The following UBE2E1 variants were observed in gnomAD, a reference collection of about 807,000 sequenced individuals.
UBE2E1 encodes ubiquitin-conjugating enzyme E2 E1.
Under a neutral mutation model 21.4 loss-of-function variants are expected in UBE2E1, and 6 were observed. The observed-to-expected ratio is 0.28, with a 90% CI of 0.15 to 0.55. The LOEUF (loss-of-function observed/expected upper bound fraction) is 0.55. UBE2E1 is among the 20% of genes least tolerant of loss of function. UBE2E1 has a pLI of 0.93. For synonymous variants in UBE2E1, 87 were observed against 82.7 expected (o/e 1.05, Z -0.28); for missense variants, 142 against 236.5 (o/e 0.60, Z 2.62).
chr3:23,830,610 A>G (rs1439720572), intron 3 of UBE2E1, among the ~76,000 whole-genome samples: 2 of 152,104 alleles, frequency 1.3e-5, no homozygotes, highest in East Asian at 3.9e-4. Flanking sequence ...TGATGCTTGG[A>G]GCTGTGGAGA....
In UBE2E1 at chr3:23,811,457, C is replaced by T. The variant is rs1204005345; in HGVS notation, c.153-3C>T. ...TTTGTCTTTCCCATTTCTCCCACTC[C>T]AGAATTCAGAAGGAGCTGGCGGACA... On this transcript the variant is annotated splice_region_variant and splice_polypyrimidine_tract_variant and intron_variant, in intron 2 of 5. Coordinates refer to ENST00000306627, the MANE Select transcript of UBE2E1 (RefSeq NM_003341.5). 6.8e-6 allele frequency: 11 copies of T among 1,614,064 alleles called. No individual in the cohort carries two copies. Among genetic ancestry groups the T allele is most frequent in the African/African-American group, 1.3e-5 (1 of 74,922 alleles).
At chr3:23,829,055 G>A (rs1575813088) in intron 3 of UBE2E1, among the ~76,000 whole-genome samples, 1 of 151,502 alleles carries the variant, frequency 6.6e-6, no homozygotes, top group East Asian at 1.9e-4. Context: ...TGCAGAAGGG[G>A]CAGTTTCTCC....
At chr3:23,831,868 G>T (rs1237161686) in intron 3 of UBE2E1, among the ~76,000 whole-genome samples, 2 of 151,910 alleles carry the variant, frequency 1.3e-5, no homozygotes, top group African/African-American at 2.4e-5. Flanking sequence ...GATAATTTTT[G>T]TATTTTTTGT....
chr3:23,813,879 T>A (rs1699455851), intron 3 of UBE2E1, among the ~76,000 whole-genome samples: 1 of 152,220 alleles, frequency 6.6e-6, no homozygotes, highest in Non-Finnish European at 1.5e-5. Flanking sequence ...AATGAAAATC[T>A]ATGAATTAAG....
rs55941535 is a variant in UBE2E1 at position 23,842,198 on chromosome 3, G to GGTGTGT, written c.203+30734_203+30739dup. ...TATGTCATGACCCAGTAAGTGAAGG[G>GGTGTGT]GTGTGTGTGTGTGTGTGTGTGTGTG... is the stretch of plus-strand genomic sequence containing the variant. On this transcript the variant is annotated intron_variant, in intron 3 of 5. Transcript: ENST00000306627. The surrounding 1 kb of genome is among the most constrained non-coding windows in gnomAD (Gnocchi z 4.6). Among the ~76,000 whole-genome samples the GGTGTGT allele has an allele frequency of 8.1e-3, 845 of 104,246 alleles. 13 individuals are homozygous for GGTGTGT. The highest frequency in any genetic ancestry group is 0.016 in the African/African-American group (450 of 27,646). The allele number at this position is 104,246 out of a possible 152,430, so 68.4% of individuals were successfully genotyped here.
chr3:23,830,837 C>T (rs1699852532), intron 3 of UBE2E1, among the ~76,000 whole-genome samples: 1 of 152,190 alleles, frequency 6.6e-6, no homozygotes, highest in African/African-American at 2.4e-5. Context: ...GTGGTGATAG[C>T]TAACTTCTGT....
intron 3 of UBE2E1, among the ~76,000 whole-genome samples, chr3:23,834,434 A>G (rs1227841266): frequency 6.6e-6 from 1 of 152,190 alleles, no homozygotes; most frequent in African/African-American, 2.4e-5. Flanking sequence ...CATCTTTCTC[A>G]CATAACCTCT....
chr3:23,883,131 A>G (rs1701094353), intron 3 of UBE2E1, among the ~76,000 whole-genome samples: 1 of 152,076 alleles, frequency 6.6e-6, no homozygotes, highest in South Asian at 2.1e-4. Flanking sequence ...TCCTTTTCCC[A>G]ATTCAGGATT....
chr3:23,878,033 T>C (rs1005935834), intron 3 of UBE2E1, among the ~76,000 whole-genome samples: 2 of 152,112 alleles, frequency 1.3e-5, no homozygotes, highest in Non-Finnish European at 1.5e-5. Context: ...TGTCTCTTTT[T>C]CCCCCCTACT....
chr3:23,823,716 A>G lies in UBE2E1; in HGVS notation c.203+12206A>G, dbSNP rs114264672. Among the ~76,000 whole-genome samples, 6 of 152,254 alleles carry G rather than the reference A, an allele frequency of 3.9e-5. No homozygotes were observed. Among genetic ancestry groups the G allele is most frequent in the African/African-American group, 1.4e-4 (6 of 41,476 alleles). ...GGAGGATTTTTTATAAACATGAAAG[A>G]TAACTTTCCTCTAACCTAAGTAAAT... On this transcript the variant is annotated intron_variant, in intron 3 of 5. Coordinates refer to ENST00000306627, the MANE Select transcript of UBE2E1 (RefSeq NM_003341.5). This position sits in a 1 kb window ranked among gnomAD's most constrained non-coding sequence, Gnocchi z 4.2.
intron 3 of UBE2E1, among the ~76,000 whole-genome samples, chr3:23,846,277 A>G (rs984720869): frequency 6.6e-6 from 1 of 152,208 alleles, no homozygotes; most frequent in Non-Finnish European, 1.5e-5. Context: ...AGAGTGGGTA[A>G]TAGAGCTGGG....
chr3:23,886,288 T>C (rs993806697), intron 3 of UBE2E1, among the ~76,000 whole-genome samples: 4 of 152,234 alleles, frequency 2.6e-5, no homozygotes, highest in African/African-American at 9.6e-5. Context: ...ATAATGGTGA[T>C]CACTGCCGTT....
At chr3:23,862,707 TTCCTTTCCGTCTTATCTTTC>T (rs1237578488) in intron 3 of UBE2E1, among the ~76,000 whole-genome samples, 1 of 152,160 alleles carries the variant, frequency 6.6e-6, no homozygotes. Context: ...TACTATCTTT[TTCCTTTCCGTCTTATCTTTC>T]TTATTATTTA....
chr3:23,848,711 T>C (rs1700261517), intron 3 of UBE2E1, among the ~76,000 whole-genome samples: 1 of 152,116 alleles, frequency 6.6e-6, no homozygotes, highest in South Asian at 2.1e-4. Context: ...GAAAACTTCA[T>C]AGAAGAATAT....
intron 3 of UBE2E1, among the ~76,000 whole-genome samples, chr3:23,854,354 A>T (rs1700391108): frequency 6.6e-6 from 1 of 151,818 alleles, no homozygotes; most frequent in Non-Finnish European, 1.5e-5. Context: ...TTTGGGAGGG[A>T]TGTTTTTAAA....
At chr3:23,838,228 T>A (rs1053730228) in intron 3 of UBE2E1, among the ~76,000 whole-genome samples, 1 of 151,952 alleles carries the variant, frequency 6.6e-6, no homozygotes, top group Non-Finnish European at 1.5e-5. Context: ...CCACCACACC[T>A]GGTTAATTTT....
At chr3:23,845,581 C>CTG (rs1343231599) in intron 3 of UBE2E1, among the ~76,000 whole-genome samples, 225 of 48,484 alleles carry the variant, frequency 4.6e-3, no homozygotes, top group African/African-American at 0.015. Flanking sequence ...CTCTCTCTCT[C>CTG]TCTCTCTCTG....
chr3:23,888,116 G>A (rs1701232321), intron 4 of UBE2E1: 3 of 420,214 alleles, frequency 7.1e-6, no homozygotes, highest in Admixed American at 2.7e-5. Flanking sequence ...AACAAAGCAA[G>A]ACCCCAAAAA....
At chr3:23,859,841 A>G (rs1397931737) in intron 3 of UBE2E1, among the ~76,000 whole-genome samples, 2 of 152,226 alleles carry the variant, frequency 1.3e-5, no homozygotes, top group Admixed American at 1.3e-4. Flanking sequence ...GGTACCTAGC[A>G]TAGTATTGAA....
Sources: gnomAD v4.1 joint callset for allele counts (sites outside exome capture counted in the v4.1 genomes callset) on GRCh38, gnomAD v4.1.1 for gene constraint, Gnocchi (gnomAD v3.1) non-coding constraint, MANE v1.5 for transcripts, NCBI Gene and HGNC (gene_info 2026-07-23, HGNC 2026-07-21) for gene names.